Variants in UBE2L3 observed in about 807,000 individuals in gnomAD.
UBE2L3 encodes ubiquitin conjugating enzyme E2 L3.
In UBE2L3, 1 loss-of-function variant was observed where a neutral mutation model predicts 17.8. That is an observed-to-expected ratio of 0.06 (90% confidence interval 0.02 to 0.27). The LOEUF (loss-of-function observed/expected upper bound fraction) is 0.27, where lower values mean the gene tolerates loss of function less well. UBE2L3 is among the 10% of genes least tolerant of loss of function. The pLI is 1.00. For synonymous variants in UBE2L3, 44 were observed against 68.5 expected (o/e 0.64, Z 1.76); for missense variants, 40 against 192.6 (o/e 0.21, Z 4.69).
upstream of UBE2L3, among the ~76,000 whole-genome samples, chr22:21,565,339 A>T (rs543984781): frequency 6.6e-6 from 1 of 151,196 alleles, no homozygotes; most frequent in East Asian, 2.0e-4. Context: ...TGATCCACCC[A>T]CCTCGGCTTC....
At position 21,606,298 on chromosome 22, in the gene UBE2L3, G is replaced by A. The variant is rs562933968; in HGVS notation, c.124-4559G>A. On this transcript the variant is annotated intron_variant, in intron 2 of 3. Coordinates refer to ENST00000342192, the MANE Select transcript of UBE2L3 (RefSeq NM_003347.4). ...AAAAGTCATGCAGGAAAGTGTGCGCGCGCGCGTGTGTGTGGTATGTGTGTG... is the reference window on the plus strand; with the variant it reads ...AAAAGTCATGCAGGAAAGTGTGCGCACGCGCGTGTGTGTGGTATGTGTGTG... Among the ~76,000 whole-genome samples the A allele has an allele frequency of 9.2e-5, 14 of 152,002 alleles. No individual in the cohort carries two copies. The East Asian group carries it at 9.8e-4, about 11-fold the overall frequency.
chr22:21,559,998 C>G (rs1347318777), intron 1 of UBE2L3, among the ~76,000 whole-genome samples: 1 of 152,290 alleles, frequency 6.6e-6, no homozygotes, highest in Non-Finnish European at 1.5e-5. Flanking sequence ...GTGCGAGCTT[C>G]TAGCTCTCTG....
chr22:21,573,788 C>T (rs539790709), intron 1 of UBE2L3, among the ~76,000 whole-genome samples: 1 of 152,300 alleles, frequency 6.6e-6, no homozygotes, highest in East Asian at 1.9e-4. Context: ...TGTGCCGTCC[C>T]GCTTTGGGTT....
intron 1 of UBE2L3, among the ~76,000 whole-genome samples, chr22:21,562,417 G>C (rs1488033087): frequency 1.3e-5 from 2 of 150,042 alleles, no homozygotes; most frequent in Non-Finnish European, 3.0e-5. Flanking sequence ...TGTCTCCCAG[G>C]CTGGAGTGCA....
At chr22:21,608,143 T>A (rs1929276089) in intron 2 of UBE2L3, among the ~76,000 whole-genome samples, 1 of 152,218 alleles carries the variant, frequency 6.6e-6, no homozygotes, top group Admixed American at 6.5e-5. Context: ...TGCCAAATGC[T>A]GCTGAGGACG....
At chr22:21,612,797 C>G (rs577251679) in intron 3 of UBE2L3, among the ~76,000 whole-genome samples, 1 of 151,110 alleles carries the variant, frequency 6.6e-6, no homozygotes, top group Non-Finnish European at 1.5e-5. Context: ...CCACCACGCT[C>G]GGCTAATTTT....
At chr22:21,567,308 C>T (rs1479465365), upstream of UBE2L3, among the ~76,000 whole-genome samples, 5 of 152,206 alleles carry the variant, frequency 3.3e-5, no homozygotes, top group East Asian at 1.9e-4. Context: ...AGATTACAGG[C>T]GCCCGCCACC....
intron 1 of UBE2L3, among the ~76,000 whole-genome samples, chr22:21,589,142 ATTTTTT>A (rs768593270): frequency 4.5e-5 from 5 of 111,710 alleles, no homozygotes; most frequent in Non-Finnish European, 7.1e-5. Flanking sequence ...CATGATTGGA[ATTTTTT>A]TTTTTTTTTT....
chr22:21,581,818 AAATTCAGAAC>A (rs1180618224), intron 1 of UBE2L3, among the ~76,000 whole-genome samples: 1 of 151,506 alleles, frequency 6.6e-6, no homozygotes, highest in Non-Finnish European at 1.5e-5. Context: ...AAAGAAAAAA[AAATTCAGAAC>A]AAGCTGTGCC....
intron 2 of UBE2L3, among the ~76,000 whole-genome samples, chr22:21,593,756 T>C (rs759674315): frequency 1.3e-5 from 2 of 152,172 alleles, no homozygotes; most frequent in Non-Finnish European, 2.9e-5. Flanking sequence ...AGTGCTGGCA[T>C]CATGGCCCTT....
At chr22:21,582,051 C>A (rs1235154071) in intron 1 of UBE2L3, among the ~76,000 whole-genome samples, 1 of 148,822 alleles carries the variant, frequency 6.7e-6, no homozygotes, top group Non-Finnish European at 1.5e-5. Context: ...ACCTGGGAGG[C>A]GGAGGTTGCA....
intron 1 of UBE2L3, among the ~76,000 whole-genome samples, chr22:21,579,965 C>T (rs1426777509): frequency 2.0e-5 from 3 of 152,168 alleles, no homozygotes; most frequent in Non-Finnish European, 4.4e-5. Flanking sequence ...TTTGCCTGAG[C>T]AGTAGGAGCC....
chr22:21,563,039 C>T (rs1180600086), upstream of UBE2L3, among the ~76,000 whole-genome samples: 3 of 150,798 alleles, frequency 2.0e-5, no homozygotes, highest in Non-Finnish European at 3.0e-5. Flanking sequence ...GTCGGAAGTT[C>T]GAGATCAGCC....
At chr22:21,563,628 G>C (rs1383311179), upstream of UBE2L3, among the ~76,000 whole-genome samples, 1 of 146,442 alleles carries the variant, frequency 6.8e-6, no homozygotes, top group Non-Finnish European at 1.5e-5. Flanking sequence ...CCAGGTTGGA[G>C]TGCAATGGTG....
chr22:21,583,843 G>A (rs1436015873), intron 1 of UBE2L3, among the ~76,000 whole-genome samples: 2 of 152,186 alleles, frequency 1.3e-5, no homozygotes, highest in Non-Finnish European at 2.9e-5. Flanking sequence ...CATATAGAAG[G>A]TTGAATCCTT....
intron 1 of UBE2L3, chr22:21,568,244 G>A: frequency 3.0e-6 from 3 of 987,842 alleles, no homozygotes; most frequent in Non-Finnish European, 3.6e-6. Flanking sequence ...CAGCTCGGGA[G>A]TCTGGGAGGT....
chr22:21,569,468 C>G (rs920827325), intron 1 of UBE2L3, among the ~76,000 whole-genome samples: 8 of 151,096 alleles, frequency 5.3e-5, no homozygotes, highest in African/African-American at 1.9e-4. Context: ...TACTCTGAAT[C>G]TATATCCTCA....
At chr22:21,587,349 T>C (rs1928003254) in intron 1 of UBE2L3, among the ~76,000 whole-genome samples, 1 of 151,898 alleles carries the variant, frequency 6.6e-6, no homozygotes, top group Non-Finnish European at 1.5e-5. Context: ...CGCCACCATG[T>C]CCACCTAATT....
At chr22:21,577,067 C>T (rs1191511909) in intron 1 of UBE2L3, among the ~76,000 whole-genome samples, 1 of 151,244 alleles carries the variant, frequency 6.6e-6, no homozygotes, top group Admixed American at 6.6e-5. Flanking sequence ...CTCCTGGGTT[C>T]ACGCCATTCT....
Sources: gnomAD v4.1 joint callset for allele counts (sites outside exome capture counted in the v4.1 genomes callset) on GRCh38, gnomAD v4.1.1 for gene constraint, MANE v1.5 for transcripts, NCBI Gene and HGNC (gene_info 2026-07-23, HGNC 2026-07-21) for gene names.